EPHA5: variants seen among roughly 807,000 people sequenced by gnomAD.
EPHA5 encodes ephrin type-A receptor 5.
Under a neutral mutation model 105.0 loss-of-function variants are expected in EPHA5, and 60 were observed. The observed-to-expected ratio is 0.57, with a 90% confidence interval of 0.46 to 0.71. The LOEUF is 0.71. EPHA5 is among the 30% of genes least tolerant of loss of function. EPHA5 has a pLI of 0.00. For missense variants in EPHA5, 1,218 were observed against 1,274.7 expected (o/e 0.96, Z 0.68); for synonymous variants, 513 against 449.1 (o/e 1.14, Z -1.80).
chr4:65,476,099 TGAGAGAGAGAGAGA>T (rs35934629), intron 5 of EPHA5, among the ~76,000 whole-genome samples: 3 of 138,146 alleles, frequency 2.2e-5, no homozygotes, highest in Non-Finnish European at 4.6e-5. Flanking sequence ...TCAAAATCAC[TGAGAGAGAGAGAGA>T]GAGAGAGAGA....
At chr4:65,490,326 AT>A (rs752791101) in intron 5 of EPHA5, 50 bp downstream of exon 5, 1 of 1,523,482 alleles carries the variant, frequency 6.6e-7, no homozygotes, top group Non-Finnish European at 9.0e-7. Flanking sequence ...TATGGAAATA[AT>A]TGACAGAACT....
At chr4:65,453,349 A>G (rs1214153610) in intron 5 of EPHA5, among the ~76,000 whole-genome samples, 3 of 152,186 alleles carry the variant, frequency 2.0e-5, no homozygotes, top group African/African-American at 7.2e-5. Context: ...AAAATAAATT[A>G]AGGTTAAGAT....
chr4:65,536,774 TA>T (rs34587446), intron 3 of EPHA5, among the ~76,000 whole-genome samples: 1 of 151,588 alleles, frequency 6.6e-6, no homozygotes, highest in African/African-American at 2.4e-5. Flanking sequence ...TCACTGTTCC[TA>T]AAAGTTAGGT....
In EPHA5 at chr4:65,611,033, C is replaced by A. The variant is rs566340403; in HGVS notation, c.247-8729G>T. Among the ~76,000 whole-genome samples, 3 of 152,122 alleles carry A rather than the reference C, an allele frequency of 2.0e-5. No homozygotes were observed. The East Asian group carries it at 5.8e-4, about 29-fold the overall frequency. On this transcript the variant is annotated intron_variant, in intron 2 of 16. Transcript: ENST00000613740. Reference sequence around the variant, plus strand: ...GTTTACATAGTTGGTGAGTTTATATCTTTCTTAAGAGTGATTGCAATCTCA... The same window carrying A: ...GTTTACATAGTTGGTGAGTTTATATATTTCTTAAGAGTGATTGCAATCTCA...
intron 3 of EPHA5, among the ~76,000 whole-genome samples, chr4:65,546,198 A>G (rs534775749): frequency 2.3e-4 from 35 of 152,138 alleles, no homozygotes; most frequent in Non-Finnish European, 4.1e-4. Flanking sequence ...AGGCAGTGAG[A>G]GTCTGGCAGC....
chr4:65,616,454 C>CACACACACACAG (rs1454115764), intron 2 of EPHA5, among the ~76,000 whole-genome samples: 10 of 147,962 alleles, frequency 6.8e-5, no homozygotes, highest in African/African-American at 2.5e-4. Context: ...CACACACACA[C>CACACACACACAG]AGAGAGAGAG....
At chr4:65,587,816 T>A (rs1742269594) in intron 3 of EPHA5, among the ~76,000 whole-genome samples, 1 of 152,132 alleles carries the variant, frequency 6.6e-6, no homozygotes, top group South Asian at 2.1e-4. Context: ...TTCCTCAGTC[T>A]GAGGTCTGAA....
intron 2 of EPHA5, among the ~76,000 whole-genome samples, chr4:65,635,861 G>A (rs937381178): frequency 3.3e-5 from 5 of 152,098 alleles, no homozygotes; most frequent in Non-Finnish European, 2.9e-5. Flanking sequence ...GTACATATAG[G>A]CTAGTGAAGC....
intron 3 of EPHA5, among the ~76,000 whole-genome samples, chr4:65,574,631 T>TATATATATATATATATATATATATACAC (rs1740630201): frequency 1.2e-4 from 10 of 81,668 alleles, no homozygotes; most frequent in Non-Finnish European, 1.7e-4. Context: ...TATATACACA[T>TATATATATATATATATATATATATACAC]ATATATATAC....
chr4:65,578,388 G>A (rs1741277516), intron 3 of EPHA5, among the ~76,000 whole-genome samples: 1 of 152,132 alleles, frequency 6.6e-6, no homozygotes, highest in Non-Finnish European at 1.5e-5. Flanking sequence ...AGACACTGTG[G>A]GTGGAGGAAA....
At chr4:65,661,657 GAAGCTTTGGGTGA>G (rs575974792) in intron 1 of EPHA5, among the ~76,000 whole-genome samples, 2,141 of 152,174 alleles carry the variant, frequency 0.014, 56 homozygotes, top group African/African-American at 0.047. Context: ...AGCTTTGGGT[GAAGCTTTGGGTGA>G]AAGCTTTGGG....
chr4:65,469,595 T>C (rs1363911592), intron 5 of EPHA5, among the ~76,000 whole-genome samples: 2 of 152,100 alleles, frequency 1.3e-5, no homozygotes, highest in Non-Finnish European at 2.9e-5. Flanking sequence ...GCAAGGAGTA[T>C]AAGGGCCACT....
intron 1 of EPHA5, among the ~76,000 whole-genome samples, chr4:65,647,328 C>CAAAAA (rs55995799): frequency 1.4e-4 from 10 of 70,886 alleles, no homozygotes; most frequent in Admixed American, 1.8e-4. Flanking sequence ...GACTCTGTCT[C>CAAAAA]AAAAAAAAAA....
At chr4:65,635,890 T>C (rs1233300910) in intron 2 of EPHA5, among the ~76,000 whole-genome samples, 1 of 152,140 alleles carries the variant, frequency 6.6e-6, no homozygotes, top group Non-Finnish European at 1.5e-5. Flanking sequence ...ATGAGATTGA[T>C]AGCTTAAGGG....
Position 65,368,035 on chromosome 4 carries a change from C to T in EPHA5, c.1794-611G>A, listed in dbSNP as rs115373036. ...AATTTGCAAGTTTTTGCAAATTTCT[C>T]TTATTACTAGGAAAAAAAATCTGTC... On this transcript the variant is annotated intron_variant, in intron 8 of 16. Coordinates refer to ENST00000613740, the MANE Select transcript of EPHA5 (RefSeq NM_001281766.3). Among the ~76,000 whole-genome samples the T allele has an allele frequency of 6.8e-3, 1,030 of 152,032 alleles. 19 individuals are homozygous for T. The highest frequency in any genetic ancestry group is 0.023 in the African/African-American group (949 of 41,502).
intron 5 of EPHA5, among the ~76,000 whole-genome samples, chr4:65,483,067 G>A (rs1368485691): frequency 6.6e-6 from 1 of 152,008 alleles, no homozygotes. Flanking sequence ...GTGTCCAAGT[G>A]TTCTCATTGT....
At chr4:65,589,392 C>T (rs554118823) in intron 3 of EPHA5, among the ~76,000 whole-genome samples, 3 of 152,156 alleles carry the variant, frequency 2.0e-5, no homozygotes, top group Non-Finnish European at 4.4e-5. Context: ...AGGAGCACAA[C>T]CTGACTTAAA....
intron 1 of EPHA5, among the ~76,000 whole-genome samples, chr4:65,658,376 G>C (rs1244909695): frequency 1.3e-5 from 2 of 151,982 alleles, no homozygotes; most frequent in Non-Finnish European, 2.9e-5. Flanking sequence ...GGGCACTGGA[G>C]GACTATTGAA....
chr4:65,388,741 A>C (rs1720395227), intron 8 of EPHA5, among the ~76,000 whole-genome samples: 2 of 148,462 alleles, frequency 1.3e-5, no homozygotes, highest in Admixed American at 6.8e-5. Context: ...TAGGTTGCGA[A>C]AATTTTCTCC....
Sources: gnomAD v4.1 joint callset for allele counts (sites outside exome capture counted in the v4.1 genomes callset) on GRCh38, gnomAD v4.1.1 for gene constraint, MANE v1.5 for transcripts, NCBI Gene and HGNC (gene_info 2026-07-23, HGNC 2026-07-21) for gene names.